Variants in CSMD3 observed in about 807,000 individuals in gnomAD.
CSMD3 encodes CUB and Sushi multiple domains 3.
CSMD3 carries 177 observed loss-of-function variants against 435.2 expected under a neutral mutation model. The ratio of observed to expected loss-of-function variants is 0.41; its 90% CI spans 0.36 to 0.46. The LOEUF (loss-of-function observed/expected upper bound fraction) is 0.46, where lower values mean the gene tolerates loss of function less well. Ranked by LOEUF, CSMD3 falls within the 20% of genes least tolerant of loss-of-function variation. The pLI is 0.34. For missense variants in CSMD3, 4,265 were observed against 4,504.6 expected (o/e 0.95, Z 1.52); for synonymous variants, 1,656 against 1,520.5 (o/e 1.09, Z -2.07).
chr8:112,815,066 AAAATGACGATG>A (rs2079335023), intron 12 of CSMD3, among the ~76,000 whole-genome samples: 1 of 152,112 alleles, frequency 6.6e-6, no homozygotes, highest in African/African-American at 2.4e-5. Context: ...GAAATTCACT[AAAATGACGATG>A]ATTAGAAAAG....
intron 4 of CSMD3, among the ~76,000 whole-genome samples, chr8:113,122,155 T>C (rs549858021): frequency 6.6e-6 from 1 of 152,140 alleles, no homozygotes; most frequent in Non-Finnish European, 1.5e-5. Context: ...AATTGTCACA[T>C]ACATTGGATT....
chr8:112,442,329 A>G (rs1238259609), intron 32 of CSMD3, among the ~76,000 whole-genome samples: 4 of 152,166 alleles, frequency 2.6e-5, no homozygotes, highest in African/African-American at 9.7e-5. Context: ...GATTTGAAGG[A>G]GACAAATATC....
intron 10 of CSMD3, among the ~76,000 whole-genome samples, chr8:112,867,564 A>G (rs1044772373): frequency 1.3e-5 from 2 of 152,150 alleles, no homozygotes; most frequent in African/African-American, 2.4e-5. Flanking sequence ...ACACTATGGT[A>G]TAGCCTATTG....
intron 27 of CSMD3, among the ~76,000 whole-genome samples, chr8:112,530,980 G>C (rs1825470988): frequency 1.3e-5 from 2 of 152,126 alleles, no homozygotes; most frequent in African/African-American, 4.8e-5. Flanking sequence ...GCAATGACCT[G>C]GAAGGCTGTG....
chr8:112,501,044 T>A (rs1424503585), intron 30 of CSMD3, among the ~76,000 whole-genome samples: 1 of 152,008 alleles, frequency 6.6e-6, no homozygotes, highest in Non-Finnish European at 1.5e-5. Context: ...AACAGTGGGC[T>A]GGCTTTCCCC....
chr8:112,573,309 T>A (rs1157535609), intron 24 of CSMD3, among the ~76,000 whole-genome samples, 192 bp downstream of exon 24: 1 of 152,098 alleles, frequency 6.6e-6, no homozygotes, highest in Non-Finnish European at 1.5e-5. Context: ...TCGTTTCAAC[T>A]GTAAAATGGC....
chr8:112,367,552 A>G (rs1425610720), intron 38 of CSMD3, among the ~76,000 whole-genome samples: 1 of 152,138 alleles, frequency 6.6e-6, no homozygotes, highest in Non-Finnish European at 1.5e-5. Context: ...CATCCCCAAC[A>G]TCTAATTGGC....
intron 10 of CSMD3, among the ~76,000 whole-genome samples, chr8:112,919,020 T>G (rs1383609472): frequency 2.0e-5 from 3 of 151,950 alleles, no homozygotes; most frequent in Non-Finnish European, 2.9e-5. Context: ...CCTCCATTAC[T>G]GTTTCCACTA....
At chr8:113,074,682 A>G (rs559887713) in intron 5 of CSMD3, among the ~76,000 whole-genome samples, 4 of 151,812 alleles carry the variant, frequency 2.6e-5, no homozygotes, top group Admixed American at 6.6e-5. Context: ...AGCTTTATTT[A>G]CTTTATTTTA....
chr8:112,449,018 C>A (rs1815961858), intron 32 of CSMD3, among the ~76,000 whole-genome samples: 1 of 152,074 alleles, frequency 6.6e-6, no homozygotes, highest in South Asian at 2.1e-4. Context: ...GATTATATTT[C>A]TTCAATTAAA....
chr8:112,240,858 T>C (rs1814055855), intron 66 of CSMD3, among the ~76,000 whole-genome samples: 1 of 152,064 alleles, frequency 6.6e-6, no homozygotes, highest in African/African-American at 2.4e-5. Context: ...TATCAGGGGC[T>C]TCTGCTTTTG....
rs2075524171 is a variant in CSMD3, at chr8:112,666,313, G to T, written c.2780C>A (p.Ala927Asp). ...AATTTTGATAGAGTGTCCAGGTTCA[G>T]CTTCAATCACCCACTCACAATTCAA... ...DSLNCEWVIE[A>D]EPGHSIKITF... Residue 927 changes from alanine to aspartate, a missense_variant, in exon 17 of 71, where the codon GCT becomes GAT. This residue lies in a region of CSMD3 where 3,255 missense variants were observed against 3,380.2 expected (regional missense o/e 0.96). Transcript: ENST00000297405. 6.2e-7 allele frequency: 1 copy of T among 1,612,076 alleles called. No individual in the cohort carries two copies. The highest frequency in any genetic ancestry group is 1.3e-5 in the African/African-American group (1 of 74,842).
intron 1 of CSMD3, chr8:113,376,942 G>T: frequency 7.1e-7 from 1 of 1,406,132 alleles, no homozygotes. Context: ...TGACGTGCGG[G>T]TTCAGGAGGT....
intron 32 of CSMD3, among the ~76,000 whole-genome samples, chr8:112,424,315 T>G (rs1029156504): frequency 6.6e-6 from 1 of 152,176 alleles, no homozygotes; most frequent in Non-Finnish European, 1.5e-5. Flanking sequence ...GCAAGAAGAA[T>G]TAATAGTAAG....
At chr8:112,590,571 A>C (rs1485270503) in intron 22 of CSMD3, among the ~76,000 whole-genome samples, 1 of 152,132 alleles carries the variant, frequency 6.6e-6, no homozygotes, top group Non-Finnish European at 1.5e-5. Flanking sequence ...GTGATAGCAG[A>C]AGAAATGTTC....
At chr8:112,430,036 A>G (rs553584136) in intron 32 of CSMD3, among the ~76,000 whole-genome samples, 4 of 152,170 alleles carry the variant, frequency 2.6e-5, no homozygotes, top group African/African-American at 9.6e-5. Flanking sequence ...TCTTGCATAA[A>G]ACTTTCTTAC....
intron 6 of CSMD3, among the ~76,000 whole-genome samples, chr8:113,008,702 G>GCATCTATATATTGA (rs1293622742): frequency 2.6e-5 from 4 of 151,502 alleles, no homozygotes; most frequent in African/African-American, 7.3e-5. Flanking sequence ...CATCTTTCTA[G>GCATCTATATATTGA]TACTATATAT....
At chr8:113,432,026 C>CT (rs1191720028) in intron 1 of CSMD3, among the ~76,000 whole-genome samples, 1 of 152,152 alleles carries the variant, frequency 6.6e-6, no homozygotes, top group Non-Finnish European at 1.5e-5. Flanking sequence ...TAATTCTACT[C>CT]TTTTTCTCCT....
intron 3 of CSMD3, among the ~76,000 whole-genome samples, chr8:113,216,940 C>T (rs1203965272): frequency 6.6e-6 from 1 of 151,726 alleles, no homozygotes; most frequent in Admixed American, 6.6e-5. Context: ...GCAGGGAAAG[C>T]GTACACAAAG....
Sources: allele counts gnomAD v4.1 joint callset (sites outside exome capture counted in the v4.1 genomes callset), GRCh38; gene constraint gnomAD v4.1.1; regional missense constraint gnomAD v4.1.1; transcripts MANE v1.5; gene names NCBI Gene and HGNC (gene_info 2026-07-23, HGNC 2026-07-21).